Variants in NAB1 observed in about 807,000 individuals in gnomAD.
NAB1 encodes the protein NGFI-A binding protein 1.
Under a neutral mutation model 49.9 loss-of-function variants are expected in NAB1, and 25 were observed. That is an observed-to-expected ratio of 0.50 (90% CI 0.37 to 0.70). NAB1 has a LOEUF of 0.70. Ranked by LOEUF, NAB1 falls within the 30% of genes least tolerant of loss-of-function variation. The pLI is 0.00. For missense variants in NAB1, 489 were observed against 575.9 expected, an observed-to-expected ratio of 0.85 and a Z score of 1.54; for synonymous variants, 198 against 215.6, an observed-to-expected ratio of 0.92 and a Z score of 0.71.
chr2:190,676,304 A>C lies in NAB1; in HGVS notation c.1005+3152A>C, dbSNP rs895440499. 3.9e-5 allele frequency among the ~76,000 whole-genome samples: 6 copies of C among 152,220 alleles called. No individual in the cohort carries two copies. The highest frequency in any genetic ancestry group is 1.3e-4 in the Admixed American group (2 of 15,272). On this transcript the variant is annotated intron_variant, in intron 6 of 9. Transcript: ENST00000337386. The surrounding 1 kb of genome is among the most constrained non-coding windows in gnomAD (Gnocchi z 4.6). ...CAGAGAACAATAAGTTTGTCTAGGG[A>C]ATGTGATTGACACAAAGGACCTCAT...
chr2:190,684,323 T>C lies in NAB1; in HGVS notation c.1095+496T>C, dbSNP rs1402792260. Among the ~76,000 whole-genome samples, 1 of 152,228 alleles carries C rather than the reference T, an allele frequency of 6.6e-6. No individual in the cohort carries two copies. The highest frequency in any genetic ancestry group is 2.4e-5 in the African/African-American group (1 of 41,470). On this transcript the variant is annotated intron_variant, in intron 7 of 9. Coordinates refer to ENST00000337386, the MANE Select transcript of NAB1 (RefSeq NM_005966.4). This position sits in a 1 kb window ranked among gnomAD's most constrained non-coding sequence, Gnocchi z 4.6. The stretch of plus-strand genomic sequence containing the variant: ...TTTTGTCTGTATACTGAAATTAAAA[T>C]TTTAAAATGCTTTCTGCAAACATCA...
chr2:190,681,175 G>A (rs1442068387), intron 6 of NAB1, among the ~76,000 whole-genome samples: 1 of 152,184 alleles, frequency 6.6e-6, no homozygotes, highest in African/African-American at 2.4e-5. Context: ...CTGAGCATAG[G>A]CTTTGAAGCT....
Position 190,685,108 on chromosome 2 carries a change from C to T in NAB1, c.1096-368C>T, listed in dbSNP as rs1695542465. Among the ~76,000 whole-genome samples the T allele has an allele frequency of 1.3e-5, 2 of 152,076 alleles. No homozygotes were observed. The highest frequency in any genetic ancestry group is 4.8e-5 in the African/African-American group (2 of 41,392). On this transcript the variant is annotated intron_variant, in intron 7 of 9. Transcript: ENST00000337386. The surrounding 1 kb of genome is among the most constrained non-coding windows in gnomAD (Gnocchi z 4.5). The stretch of plus-strand genomic sequence containing the variant: ...AAAATAAAAATGCCAAGATTTCGCC[C>T]CAAGTGTTAGAAGTAGTTTATAGCA...
intron 5 of NAB1, 152 bp from the exon 6 acceptor site, chr2:190,672,949 C>A: frequency 1.5e-6 from 1 of 683,604 alleles, no homozygotes; most frequent in Non-Finnish European, 2.5e-6. Context: ...ATCTTTTCTT[C>A]ATTATTTTAA....
At chr2:190,656,869 G>C (rs1285757675) in intron 3 of NAB1, among the ~76,000 whole-genome samples, 2 of 151,922 alleles carry the variant, frequency 1.3e-5, no homozygotes, top group Non-Finnish European at 2.9e-5. Context: ...ATTCCATAAT[G>C]TGAGGAGCAC....
rs1695895883 is a variant in NAB1 at position 190,690,381 on chromosome 2, T to C, written c.*48T>C. On this transcript the variant is annotated 3_prime_UTR_variant, in exon 10 of 10. Coordinates refer to ENST00000337386, the MANE Select transcript of NAB1 (RefSeq NM_005966.4). ...CTGGAAATGGCATCAGATTTAAGGA[T>C]AATACTCCATCATAGAAATAAGCCT... 1.5e-6 allele frequency: 2 copies of C among 1,350,656 alleles called. No homozygotes were observed. The highest frequency in any genetic ancestry group is 1.7e-5 in the Admixed American group (1 of 58,946). 83.7% of individuals were successfully genotyped at this position (1,350,656 alleles called of 1,614,324 possible).
rs1444911188 is a variant in NAB1 at position 190,669,813 on chromosome 2, C to T, written c.820-513C>T. ...GAGATTAGTCCAACACCTTGATTTT[C>T]CAATATAGCCCTAGTATATGATAAC... On this transcript the variant is annotated intron_variant, in intron 4 of 9. Transcript: ENST00000337386. The surrounding 1 kb of genome is among the most constrained non-coding windows in gnomAD (Gnocchi z 4.3). Among the ~76,000 whole-genome samples the T allele has an allele frequency of 6.6e-6, 1 of 152,110 alleles. No individual in the cohort carries two copies. Among genetic ancestry groups the T allele is most frequent in the Admixed American group, 6.5e-5 (1 of 15,272 alleles).
chr2:190,665,090 A>G (rs1694443997), intron 4 of NAB1, among the ~76,000 whole-genome samples: 1 of 152,082 alleles, frequency 6.6e-6, no homozygotes, highest in Non-Finnish European at 1.5e-5. Flanking sequence ...TTTTGCCCTC[A>G]TTTTTAATTA....
rs1695609366 is a variant in NAB1 at position 190,686,404 on chromosome 2, AC to A, written c.1258+767del. The stretch of plus-strand genomic sequence containing the variant: ...CCTCCTTTTTATATATTATTGTTAT[AC>A]TTTTCTAGAGAGTGGTTATTATTGT... On this transcript the variant is annotated intron_variant, in intron 8 of 9. Transcript: ENST00000337386. This position sits in a 1 kb window ranked among gnomAD's most constrained non-coding sequence, Gnocchi z 5.5. Among the ~76,000 whole-genome samples the A allele has an allele frequency of 1.3e-5, 2 of 152,306 alleles. No individual in the cohort carries two copies. Among genetic ancestry groups the A allele is most frequent in the South Asian group, 4.1e-4 (2 of 4,828 alleles).
At position 190,660,131 on chromosome 2, in the gene NAB1, C is replaced by CTA. The variant is rs1694146989; in HGVS notation, c.819+136_819+137insTA. The CTA allele has an allele frequency of 3.8e-5, 27 of 718,696 alleles. No homozygotes were observed. In the South Asian group the frequency reaches 4.0e-4, roughly 11 times the overall value. The allele number at this position is 718,696 out of a possible 1,614,324, so 44.5% of individuals were successfully genotyped here. On this transcript the variant is annotated intron_variant, in intron 4 of 9. Transcript: ENST00000337386. ...ATTAAAAACATTGAGGTGTTAGCAA[C>CTA]ATGTAGCACTTTTGTGAAAATAGAC...
rs1382360688 is a variant in NAB1 at position 190,680,806 on chromosome 2, A to G, written c.1006-2932A>G. On this transcript the variant is annotated intron_variant, in intron 6 of 9. Coordinates refer to ENST00000337386, the MANE Select transcript of NAB1 (RefSeq NM_005966.4). The surrounding 1 kb of genome is among the most constrained non-coding windows in gnomAD (Gnocchi z 5.2). ...TTCCCCAGTATGATGCTTTACTCTG[A>G]TTAAATCTGGTGGCTTTTTGGATGA... Among the ~76,000 whole-genome samples, 1 of 152,172 alleles carries G rather than the reference A, an allele frequency of 6.6e-6. No homozygotes were observed. The highest frequency in any genetic ancestry group is 2.4e-5 in the African/African-American group (1 of 41,444).
chr2:190,673,266 T>C, intron 6 of NAB1, 114 bp downstream of exon 6: 1 of 904,198 alleles, frequency 1.1e-6, no homozygotes, highest in Non-Finnish European at 1.8e-6. Flanking sequence ...TAGTGAAAAA[T>C]GGCTTTCAAT....
Position 190,680,359 on chromosome 2 carries a change from G to A in NAB1, c.1006-3379G>A, listed in dbSNP as rs570531026. ...TTTCAGTGTATATTGAATATTTTCC[G>A]GCTTCCCAGAGTGTGCCCTGTTCTT... is the stretch of plus-strand genomic sequence containing the variant. On this transcript the variant is annotated intron_variant, in intron 6 of 9. Coordinates refer to ENST00000337386, the MANE Select transcript of NAB1 (RefSeq NM_005966.4). The surrounding 1 kb of genome is among the most constrained non-coding windows in gnomAD (Gnocchi z 5.2). 2.0e-5 allele frequency among the ~76,000 whole-genome samples: 3 copies of A among 152,138 alleles called. No homozygotes were observed. In the East Asian group the frequency reaches 5.8e-4, roughly 29 times the overall value.
intron 9 of NAB1, among the ~76,000 whole-genome samples, chr2:190,687,922 A>G (rs1559256034): frequency 6.6e-6 from 1 of 152,228 alleles, no homozygotes; most frequent in Admixed American, 6.5e-5. Flanking sequence ...AACCTTGTGT[A>G]TCAAAATCTA....
At position 190,682,554 on chromosome 2, in the gene NAB1, C is replaced by A. The variant is rs1049996354; in HGVS notation, c.1006-1184C>A. ...GGATCGTTAGCCACATTTCATGTAA[C>A]AAAATTAATTTCAGATAGGTCAGAG... On this transcript the variant is annotated intron_variant, in intron 6 of 9. Coordinates refer to ENST00000337386, the MANE Select transcript of NAB1 (RefSeq NM_005966.4). The surrounding 1 kb of genome is among the most constrained non-coding windows in gnomAD (Gnocchi z 4.1). 1.4e-4 allele frequency among the ~76,000 whole-genome samples: 21 copies of A among 152,140 alleles called. No homozygotes were observed. The highest frequency in any genetic ancestry group is 5.9e-4 in the Admixed American group (9 of 15,270).
rs1695173057 is a variant in NAB1, at chr2:190,678,368, A to G, written c.1005+5216A>G. The stretch of plus-strand genomic sequence containing the variant: ...ATGAACAAATTTGTTATTAACTCCA[A>G]TGTTATAAGTAACATCTTAGAAGGG... On this transcript the variant is annotated intron_variant, in intron 6 of 9. Coordinates refer to ENST00000337386, the MANE Select transcript of NAB1 (RefSeq NM_005966.4). This position sits in a 1 kb window ranked among gnomAD's most constrained non-coding sequence, Gnocchi z 4.9. Among the ~76,000 whole-genome samples, 1 of 152,208 alleles carries G rather than the reference A, an allele frequency of 6.6e-6. No homozygotes were observed. Among genetic ancestry groups the G allele is most frequent in the South Asian group, 2.1e-4 (1 of 4,836 alleles).
At position 190,670,328 on chromosome 2, in the gene NAB1, C is replaced by G. The variant is rs747780144; in HGVS notation, c.822C>G (p.Leu274=). 6.2e-7 allele frequency: 1 copy of G among 1,604,974 alleles called. No homozygotes were observed. The highest frequency in any genetic ancestry group is 1.3e-5 in the African/African-American group (1 of 74,494). ...KDGKHLTLHE[L]TVNEAAAQLC... ...GAAACTCTGTTTTGGATATCCAGCTCACTGTTAATGAAGCGGCTGCTCAAC... is the reference window on the plus strand; with the variant it reads ...GAAACTCTGTTTTGGATATCCAGCTGACTGTTAATGAAGCGGCTGCTCAAC... The change falls in exon 5 of 10, where the codon CTC becomes CTG. Residue 274 remains leucine, a splice_region_variant and synonymous_variant. Coordinates refer to ENST00000337386, the MANE Select transcript of NAB1 (RefSeq NM_005966.4). The surrounding 1 kb of genome is among the most constrained non-coding windows in gnomAD (Gnocchi z 5.3).
At chr2:190,672,854 G>A (rs1694884551) in intron 5 of NAB1, among the ~76,000 whole-genome samples, 1 of 152,052 alleles carries the variant, frequency 6.6e-6, no homozygotes, top group South Asian at 2.1e-4. Context: ...CAAAGCCAGA[G>A]GTGGTGAGTT....
At chr2:190,650,894 G>T (rs543425779) in intron 2 of NAB1, among the ~76,000 whole-genome samples, 7 of 152,134 alleles carry the variant, frequency 4.6e-5, no homozygotes, top group Non-Finnish European at 1.0e-4. Context: ...CCTGATTTGG[G>T]TATTAGATAT....
Sources: gnomAD v4.1 joint callset for allele counts (sites outside exome capture counted in the v4.1 genomes callset) on GRCh38, gnomAD v4.1.1 for gene constraint, Gnocchi (gnomAD v3.1) non-coding constraint, MANE v1.5 for transcripts, NCBI Gene and HGNC (gene_info 2026-07-23, HGNC 2026-07-21) for gene names.